Variants in SEPTIN8 observed in about 807,000 individuals in gnomAD.
SEPTIN8 encodes septin-8.
In SEPTIN8, 22 loss-of-function variants were observed where a neutral mutation model predicts 53.1. The ratio of observed to expected loss-of-function variants is 0.41; its 90% CI spans 0.30 to 0.59. The LOEUF is 0.59. Ranked by LOEUF, SEPTIN8 falls within the 20% of genes least tolerant of loss-of-function variation. The pLI is 0.24. For synonymous variants in SEPTIN8, 228 were observed against 248.4 expected (o/e 0.92, Z 0.77); for missense variants, 536 against 638.7 (o/e 0.84, Z 1.73).
chr5:132,770,400 G>C (rs1404365670), intron 1 of SEPTIN8, among the ~76,000 whole-genome samples: 1 of 151,798 alleles, frequency 6.6e-6, no homozygotes, highest in East Asian at 1.9e-4. Flanking sequence ...GGTCGGTCTT[G>C]AACTCCTGAC....
At position 132,758,512 on chromosome 5, in the gene SEPTIN8, C is replaced by T. The variant is rs756356897; in HGVS notation, c.1286+2290G>A. The T allele has an allele frequency of 6.8e-6, 11 of 1,613,172 alleles. No homozygotes were observed. The African/African-American group carries it at 8.0e-5, about 12-fold the overall frequency. ...TCGCTAGAGCGGCACATAACAGCTC[C>T]GTCAGGGAATAGTGACACTGTAAAT... is the stretch of plus-strand genomic sequence containing the variant. On this transcript the variant is annotated intron_variant, in intron 9 of 9. Coordinates refer to ENST00000378719, the MANE Select transcript of SEPTIN8 (RefSeq NM_001098811.2).
chr5:132,772,254 A>G (rs1757394845), intron 1 of SEPTIN8, among the ~76,000 whole-genome samples: 1 of 152,180 alleles, frequency 6.6e-6, no homozygotes, highest in Non-Finnish European at 1.5e-5. Flanking sequence ...AATTTGGGAT[A>G]GTGTGTTTCA....
chr5:132,756,118 A>C, intron 9 of SEPTIN8: 5 of 985,496 alleles, frequency 5.1e-6, no homozygotes, highest in Non-Finnish European at 6.0e-6. Flanking sequence ...ATTTTAGAAA[A>C]GCATGTTAAC....
In SEPTIN8 at chr5:132,762,661, G is replaced by A. The variant is rs376282565; in HGVS notation, c.535-16C>T. 38 of 1,613,984 alleles carry A rather than the reference G, an allele frequency of 2.4e-5. No homozygotes were observed. The African/African-American group carries it at 4.5e-4, about 19-fold the overall frequency. ...TAATGTTCACCTGCCAGGATCAGGG[G>A]AGGGGACAGCAGGCTGGTTGGCTCT... On this transcript the variant is annotated splice_polypyrimidine_tract_variant and intron_variant, in intron 4 of 9. Transcript: ENST00000378719.
intron 9 of SEPTIN8, among the ~76,000 whole-genome samples, chr5:132,759,758 A>G (rs567426154): frequency 6.6e-6 from 1 of 152,264 alleles, no homozygotes; most frequent in East Asian, 1.9e-4. Context: ...TACCCAAGAT[A>G]GGCCGGGGCA....
chr5:132,752,061 G>A lies in SEPTIN8; in HGVS notation c.1407C>T (p.Cys469=). ...ACGTCGCATCCCTGACCAGGCAGCT[G>A]CAGCACTGTATGGCGGGCCACCAGC... The part of the protein sequence containing the change: ...CSSWWPAIQC[C]SCLVRDATWR... The change falls in exon 10 of 10, where the codon TGC becomes TGT. Residue 469 remains cysteine (C), a synonymous_variant. Coordinates refer to ENST00000378719, the MANE Select transcript of SEPTIN8 (RefSeq NM_001098811.2). The A allele has an allele frequency of 6.2e-7, 1 of 1,609,970 alleles. No individual in the cohort carries two copies. Among genetic ancestry groups the A allele is most frequent in the African/African-American group, 1.3e-5 (1 of 75,006 alleles).
chr5:132,756,743 G>C, intron 9 of SEPTIN8: 1 of 985,486 alleles, frequency 1.0e-6, no homozygotes, highest in Non-Finnish European at 1.2e-6. Flanking sequence ...GGAAGGCTTA[G>C]GCCCGCAGGC....
intron 9 of SEPTIN8, among the ~76,000 whole-genome samples, chr5:132,759,322 C>T (rs557393799): frequency 5.3e-5 from 8 of 152,060 alleles, no homozygotes; most frequent in Non-Finnish European, 1.2e-4. Flanking sequence ...GCCTGGAGAA[C>T]GTATCATGGA....
At chr5:132,777,839 A>G, upstream of SEPTIN8, 1 of 985,490 alleles carries the variant, frequency 1.0e-6, no homozygotes. The surrounding 1 kb of genome is among the most constrained non-coding windows in gnomAD (Gnocchi z 4.1). Context: ...GCAAGGGACC[A>G]GCCTTCGGCT....
Position 132,777,221 on chromosome 5 carries a change from C to A in SEPTIN8, c.-84G>T. 2 of 1,152,130 alleles carry A rather than the reference C, an allele frequency of 1.7e-6. No homozygotes were observed. Among genetic ancestry groups the A allele is most frequent in the South Asian group, 4.3e-5 (1 of 23,496 alleles). The allele number at this position is 1,152,130 out of a possible 1,614,324, so 71.4% of individuals were successfully genotyped here. The stretch of plus-strand genomic sequence containing the variant: ...AGCCGGCTGCGGGACGCGCTCCGCC[C>A]GGGCGGCTGCGGCTGAATGGATCCA... On this transcript the variant is annotated 5_prime_UTR_variant, in exon 1 of 10. Transcript: ENST00000378719. This position sits in a 1 kb window ranked among gnomAD's most constrained non-coding sequence, Gnocchi z 4.1.
chr5:132,764,203 G>A, intron 3 of SEPTIN8, 21 bp downstream of exon 3: 1 of 1,594,908 alleles, frequency 6.3e-7, no homozygotes, highest in South Asian at 1.1e-5. Context: ...GCTGGGTGGG[G>A]CCGCCCTTCC....
intron 1 of SEPTIN8, among the ~76,000 whole-genome samples, chr5:132,767,595 C>T (rs1756733477): frequency 2.0e-5 from 3 of 152,062 alleles, no homozygotes; most frequent in Admixed American, 6.6e-5. Flanking sequence ...CCTTCCCTCC[C>T]ATTACTATGC....
upstream of SEPTIN8, among the ~76,000 whole-genome samples, chr5:132,779,426 A>T (rs190199585): frequency 3.3e-5 from 5 of 152,294 alleles, no homozygotes; most frequent in East Asian, 9.6e-4. Context: ...TGATCAGCTA[A>T]TATGCATTTT....
intron 1 of SEPTIN8, 125 bp from the exon 2 acceptor site, chr5:132,765,654 A>G: frequency 8.4e-7 from 1 of 1,185,362 alleles, no homozygotes; most frequent in Non-Finnish European, 1.2e-6. Flanking sequence ...TTCTCAACAA[A>G]TCTCAGACAC....
chr5:132,753,010 G>A (rs1561731451), intron 9 of SEPTIN8: 3 of 1,487,026 alleles, frequency 2.0e-6, no homozygotes, highest in Non-Finnish European at 1.9e-6. Flanking sequence ...AGCATAGTGT[G>A]AAACCTCCTT....
intron 2 of SEPTIN8, 33 bp from the exon 3 acceptor site, chr5:132,764,452 G>A: frequency 6.4e-7 from 1 of 1,572,196 alleles, no homozygotes; most frequent in Non-Finnish European, 8.7e-7. Flanking sequence ...GAAGAAGTGG[G>A]TGTCATAGGC....
Position 132,763,690 on chromosome 5 carries a change from G to T in SEPTIN8, c.534+16C>A, listed in dbSNP as rs1312918355. The T allele has an allele frequency of 4.3e-6, 7 of 1,610,596 alleles. No individual in the cohort carries two copies. The highest frequency in any genetic ancestry group is 5.9e-6 in the Non-Finnish European group (7 of 1,177,166). On this transcript the variant is annotated intron_variant, in intron 4 of 9. Coordinates refer to ENST00000378719, the MANE Select transcript of SEPTIN8 (RefSeq NM_001098811.2). ...AAGACTATGGAGCCTGTGACAGCAGGTGGGGACAGGGATACCTTGCTGTCT... is the reference window on the plus strand; with the variant it reads ...AAGACTATGGAGCCTGTGACAGCAGTTGGGGACAGGGATACCTTGCTGTCT...
At position 132,750,927 on chromosome 5, in the gene SEPTIN8, T is replaced by A; in HGVS notation, c.*1089A>T. 1 of 1,614,244 alleles carries A rather than the reference T, an allele frequency of 6.2e-7. No homozygotes were observed. The highest frequency in any genetic ancestry group is 8.5e-7 in the Non-Finnish European group (1 of 1,180,026). Reference sequence around the variant, plus strand: ...TATTCCCCGAATGAGCTGCTGAGGATGGAGCTGGCTATTCTGGACAGACTG... The same window carrying A: ...TATTCCCCGAATGAGCTGCTGAGGAAGGAGCTGGCTATTCTGGACAGACTG... On this transcript the variant is annotated 3_prime_UTR_variant, in exon 10 of 10. Transcript: ENST00000378719.
rs1561778578 is a variant in SEPTIN8 at position 132,776,217 on chromosome 5, T to C, written c.30+891A>G. 6.6e-6 allele frequency among the ~76,000 whole-genome samples: 1 copy of C among 151,698 alleles called. No individual in the cohort carries two copies. The highest frequency in any genetic ancestry group is 1.5e-5 in the Non-Finnish European group (1 of 67,936). On this transcript the variant is annotated intron_variant, in intron 1 of 9. Coordinates refer to ENST00000378719, the MANE Select transcript of SEPTIN8 (RefSeq NM_001098811.2). The surrounding 1 kb of genome is among the most constrained non-coding windows in gnomAD (Gnocchi z 4.4). Reference sequence around the variant, plus strand: ...TCCAGCCGACCAGGGCCTTACATGCTGGCAAGAGGACACAGCTTCCTTCAC... The same window carrying C: ...TCCAGCCGACCAGGGCCTTACATGCCGGCAAGAGGACACAGCTTCCTTCAC...
Sources: allele counts gnomAD v4.1 joint callset (sites outside exome capture counted in the v4.1 genomes callset), GRCh38; gene constraint gnomAD v4.1.1; non-coding constraint Gnocchi (gnomAD v3.1); transcripts MANE v1.5; gene names NCBI Gene and HGNC (gene_info 2026-07-23, HGNC 2026-07-21).